Variants in GPR35 observed in about 807,000 individuals in gnomAD.
GPR35 encodes the protein KYNA receptor.
For synonymous variants in GPR35, 207 were observed against 198.4 expected, an observed-to-expected ratio of 1.04 and a Z score of -0.36; for missense variants, 372 against 422.5, an observed-to-expected ratio of 0.88 and a Z score of 1.05.
At chr2:240,623,424 C>CGCAAACAGGTCATGAGGGT (rs2043328174), upstream of GPR35, among the ~76,000 whole-genome samples, 4 of 45,336 alleles carry the variant, frequency 8.8e-5, no homozygotes, top group Admixed American at 2.1e-4. Context: ...ATCGTGAGGG[C>CGCAAACAGGTCATGAGGGT]GCAAACAGGT....
intron 2 of GPR35, among the ~76,000 whole-genome samples, chr2:240,612,589 A>G (rs879179360): frequency 1.3e-5 from 2 of 152,160 alleles, no homozygotes; most frequent in African/African-American, 2.4e-5. Flanking sequence ...TGGGCTGACC[A>G]TGGTGGGATC....
exon 3 of GPR35, chr2:240,616,392 C>T (rs1446127702): frequency 2.6e-6 from 2 of 777,434 alleles, no homozygotes; most frequent in South Asian, 2.7e-5. Flanking sequence ...TCCTAGGTCT[C>T]TTGCCCTGTG....
At chr2:240,618,125 C>A (rs554341401) in intron 4 of GPR35, among the ~76,000 whole-genome samples, 1 of 151,968 alleles carries the variant, frequency 6.6e-6, no homozygotes, top group African/African-American at 2.4e-5. Flanking sequence ...TATTTAAATT[C>A]GGATTTACAT....
intron 1 of GPR35, among the ~76,000 whole-genome samples, chr2:240,626,372 G>A (rs1191350699): frequency 1.3e-5 from 2 of 151,412 alleles, no homozygotes; most frequent in African/African-American, 4.9e-5. Flanking sequence ...CTCAGAGTGG[G>A]GTGAGGCTCT....
chr2:240,630,310 C>A lies in GPR35; in HGVS notation c.358C>A (p.His120Asn). 6.3e-7 allele frequency: 1 copy of A among 1,583,636 alleles called. No homozygotes were observed. The highest frequency in any genetic ancestry group is 8.5e-7 in the Non-Finnish European group (1 of 1,170,138). Residue 120 changes from histidine to asparagine, a missense_variant, in exon 2 of 2, where the codon CAC (histidine) becomes AAC (asparagine). Transcript: ENST00000407714. ...CGTGGACCGCTATGTGGCCGTGCGG[C>A]ACCCGCTGCGTGCCCGCGGGCTGCG... ...IAVDRYVAVR[H>N]PLRARGLRSP...
chr2:240,621,399 CACG>C (rs2043292143), upstream of GPR35, among the ~76,000 whole-genome samples: 1 of 152,100 alleles, frequency 6.6e-6, no homozygotes, highest in South Asian at 2.1e-4. Flanking sequence ...GGACTACAGG[CACG>C]CGCCACCACG....
At chr2:240,612,816 G>T (rs547302140) in intron 2 of GPR35, among the ~76,000 whole-genome samples, 1 of 152,258 alleles carries the variant, frequency 6.6e-6, no homozygotes, top group African/African-American at 2.4e-5. Flanking sequence ...AGGTCAGAGC[G>T]TGGGTGAGAA....
rs201885896 is a variant in GPR35, at chr2:240,630,314, C to A, written c.362C>A (p.Pro121Gln). 5.0e-6 allele frequency: 8 copies of A among 1,586,712 alleles called. No individual in the cohort carries two copies. In the East Asian group the frequency reaches 1.6e-4, roughly 31 times the overall value. The change falls in exon 2 of 2, where the codon CCG becomes CAG. Residue 121 changes from proline to glutamine, a missense_variant. Transcript: ENST00000407714. Reference protein sequence around the residue: ...AVDRYVAVRHPLRARGLRSPR... With the variant: ...AVDRYVAVRHQLRARGLRSPR... ...GACCGCTATGTGGCCGTGCGGCACC[C>A]GCTGCGTGCCCGCGGGCTGCGGTCC...
upstream of GPR35, among the ~76,000 whole-genome samples, chr2:240,623,285 AAGGGCTGGAAACAGGTCATG>A (rs2043319646): frequency 6.6e-6 from 1 of 150,466 alleles, no homozygotes; most frequent in South Asian, 2.1e-4. Flanking sequence ...AAACAGGGTG[AAGGGCTGGAAACAGGTCATG>A]AGGGCGCAAA....
chr2:240,605,589 T>A (rs1250604521), intron 1 of GPR35: 1 of 152,318 alleles, frequency 6.6e-6, no homozygotes, highest in Non-Finnish European at 1.5e-5. Flanking sequence ...CGAGATCCTG[T>A]GTCCTGAGAG....
rs1213310824 is a variant in GPR35 at position 240,629,723 on chromosome 2, G to C, written c.-4-226G>C. ...ATGACAGCAGGCAGATCCCAGGAGA[G>C]AAGAGCTCAGGAGATGGGAAGAGGA... On this transcript the variant is annotated intron_variant, in intron 1 of 1. Coordinates refer to ENST00000407714, the MANE Select transcript of GPR35 (RefSeq NM_005301.5). 19 of 466,618 alleles carry C rather than the reference G, an allele frequency of 4.1e-5. No homozygotes were observed. The South Asian group carries it at 4.8e-4, about 12-fold the overall frequency. 28.9% of individuals were successfully genotyped at this position (466,618 alleles called of 1,614,324 possible).
At chr2:240,623,509 G>A (rs533122917), upstream of GPR35, among the ~76,000 whole-genome samples, 9 of 150,850 alleles carry the variant, frequency 6.0e-5, 1 homozygote, top group Non-Finnish European at 1.3e-4. Context: ...GTGCAAACAG[G>A]TCGTGAGGGT....
chr2:240,628,345 G>A (rs1252662322), intron 1 of GPR35: 1 of 152,256 alleles, frequency 6.6e-6, no homozygotes, highest in African/African-American at 2.4e-5. Flanking sequence ...TGTTGCTCAT[G>A]AATCAGAGAG....
intron 2 of GPR35, among the ~76,000 whole-genome samples, chr2:240,609,191 G>GT (rs952478514): frequency 1.7e-4 from 25 of 147,294 alleles, no homozygotes; most frequent in Non-Finnish European, 3.5e-4. Context: ...ATTGATTTTC[G>GT]TTTTTTTCTG....
rs771186107 is a variant in GPR35 at position 240,632,320 on chromosome 2, C to A, written c.*1438C>A. Among the ~76,000 whole-genome samples, 1 of 151,092 alleles carries A rather than the reference C, an allele frequency of 6.6e-6. No individual in the cohort carries two copies. The highest frequency in any genetic ancestry group is 1.5e-5 in the Non-Finnish European group (1 of 67,796). On this transcript the variant is annotated 3_prime_UTR_variant, in exon 2 of 2. Coordinates refer to ENST00000407714, the MANE Select transcript of GPR35 (RefSeq NM_005301.5). ...AGTCACGTGCACAGAGGGCCCTGTG[C>A]TCAGGAGGATACATGTCCAGGAGTG...
At position 240,632,184 on chromosome 2, in the gene GPR35, C is replaced by T. The variant is rs914954851; in HGVS notation, c.*1302C>T. Among the ~76,000 whole-genome samples the T allele has an allele frequency of 6.8e-6, 1 of 146,214 alleles. No individual in the cohort carries two copies. The highest frequency in any genetic ancestry group is 2.5e-5 in the African/African-American group (1 of 40,552). On this transcript the variant is annotated 3_prime_UTR_variant, in exon 2 of 2. Transcript: ENST00000407714. The stretch of plus-strand genomic sequence containing the variant: ...GGGTCCATACGCAAGGGTGTCCATG[C>T]CTGGTTGGGGGGGGTCTATGTCCAG...
exon 4 of GPR35, chr2:240,617,266 C>T (rs187598248): frequency 9.1e-5 from 64 of 707,098 alleles, no homozygotes; most frequent in Non-Finnish European, 1.3e-4. Flanking sequence ...ACTGCAGCCC[C>T]GGCTGACACC....
chr2:240,611,457 T>C (rs1575460191), intron 2 of GPR35, among the ~76,000 whole-genome samples: 1 of 152,388 alleles, frequency 6.6e-6, no homozygotes, highest in Admixed American at 6.5e-5. Context: ...CACTTATCTC[T>C]TCTAGACTAT....
chr2:240,624,601 G>A (rs1003246643), upstream of GPR35, among the ~76,000 whole-genome samples: 1 of 152,224 alleles, frequency 6.6e-6, no homozygotes, highest in Non-Finnish European at 1.5e-5. Flanking sequence ...GTAAAGTGGG[G>A]AGGGGTGAAA....
Sources: gnomAD v4.1 joint callset for allele counts (sites outside exome capture counted in the v4.1 genomes callset) on GRCh38, gnomAD v4.1.1 for gene constraint, MANE v1.5 for transcripts, NCBI Gene and HGNC (gene_info 2026-07-23, HGNC 2026-07-21) for gene names.